The following NKIRAS1 variants were observed in gnomAD, a reference collection of about 807,000 sequenced individuals.
NKIRAS1 encodes NFKB inhibitor interacting Ras like 1.
NKIRAS1 carries 16 observed loss-of-function variants against 19.8 expected under a neutral mutation model. The observed-to-expected ratio is 0.81, with a 90% CI of 0.55 to 1.23. The LOEUF (loss-of-function observed/expected upper bound fraction) is 1.23, where lower values mean the gene tolerates loss of function less well. NKIRAS1 is among the 50% of genes most tolerant of loss of function. The probability of loss-of-function intolerance (pLI) is 0.00; values close to 1 mark genes in which losing one functional copy is unlikely to be tolerated. For missense variants in NKIRAS1, 184 were observed against 220.0 expected (o/e 0.84, Z 1.04); for synonymous variants, 88 against 79.0 (o/e 1.11, Z -0.61).
intron 1 of NKIRAS1, chr3:23,916,176 GATA>G (rs1279450171): frequency 6.6e-6 from 1 of 152,162 alleles, no homozygotes; most frequent in African/African-American, 2.4e-5. Flanking sequence ...ACGATTAAGA[GATA>G]ATGATTCTCT....
At chr3:23,910,189 G>A (rs542178263) in intron 3 of NKIRAS1, among the ~76,000 whole-genome samples, 21 of 122,710 alleles carry the variant, frequency 1.7e-4, no homozygotes, top group African/African-American at 6.5e-4. Context: ...ACAGAGTCTC[G>A]CTCTGTAGCC....
Position 23,890,497 on chromosome 3 carries a change from C to A in NKIRAS1, c.*2598G>T, listed in dbSNP as rs921053273. On this transcript the variant is annotated 3_prime_UTR_variant, in exon 5 of 5. Transcript: ENST00000425478. ...TCCTTTCTCCAAAGTAATCTACATTCTTTTCTTCCAGCCGACCCCTTGGTG... is the reference window on the plus strand; with the variant it reads ...TCCTTTCTCCAAAGTAATCTACATTATTTTCTTCCAGCCGACCCCTTGGTG... 2 of 1,607,900 alleles carry A rather than the reference C, an allele frequency of 1.2e-6. No homozygotes were observed. Among genetic ancestry groups the A allele is most frequent in the Non-Finnish European group, 1.7e-6 (2 of 1,177,594 alleles).
intron 1 of NKIRAS1, among the ~76,000 whole-genome samples, chr3:23,925,673 C>T (rs559184633): frequency 6.6e-6 from 1 of 152,070 alleles, no homozygotes; most frequent in African/African-American, 2.4e-5. Context: ...TACTTTTACT[C>T]AGTTTTTGTT....
intron 3 of NKIRAS1, among the ~76,000 whole-genome samples, chr3:23,902,205 C>A (rs974771040): frequency 1.3e-5 from 2 of 152,028 alleles, no homozygotes; most frequent in African/African-American, 4.8e-5. Context: ...TACAGTTTTC[C>A]TAAACAACCT....
At chr3:23,929,012 A>AAG (rs1553646201) in intron 1 of NKIRAS1, among the ~76,000 whole-genome samples, 2 of 88,306 alleles carry the variant, frequency 2.3e-5, no homozygotes, top group African/African-American at 6.8e-5. Context: ...AAAAAAAAAA[A>AAG]AGAAAAGAAA....
intron 1 of NKIRAS1, chr3:23,945,161 C>T (rs1443160839): frequency 2.0e-5 from 2 of 98,110 alleles, no homozygotes; most frequent in African/African-American, 3.8e-5. Context: ...AAAGGGTAGC[C>T]GGGGAGCCGG....
At chr3:23,942,692 A>C (rs1326725247) in intron 1 of NKIRAS1, among the ~76,000 whole-genome samples, 1 of 151,926 alleles carries the variant, frequency 6.6e-6, no homozygotes, top group African/African-American at 2.4e-5. Context: ...CGGCCTCCCA[A>C]AGTGCTGGGT....
At chr3:23,942,748 A>T (rs577036996) in intron 1 of NKIRAS1, among the ~76,000 whole-genome samples, 3 of 149,376 alleles carry the variant, frequency 2.0e-5, no homozygotes, top group East Asian at 2.0e-4. Flanking sequence ...ATTAGGATAC[A>T]CTTCTTTTTT....
At chr3:23,911,588 G>T (rs766035723) in intron 1 of NKIRAS1, 138 bp from the exon 2 acceptor site, 1 of 152,078 alleles carries the variant, frequency 6.6e-6, no homozygotes, top group South Asian at 2.1e-4. Context: ...TTAAATCCTT[G>T]AAAGAGACTG....
At chr3:23,933,286 CAG>C (rs1705345582) in intron 1 of NKIRAS1, among the ~76,000 whole-genome samples, 1 of 152,226 alleles carries the variant, frequency 6.6e-6, no homozygotes, top group African/African-American at 2.4e-5. Flanking sequence ...CTCACGCCTC[CAG>C]AATTCTTCCT....
At chr3:23,921,458 C>G (rs1423051096), upstream of NKIRAS1, 6 of 614,416 alleles carry the variant, frequency 9.8e-6, no homozygotes, top group South Asian at 2.0e-5. Context: ...AGCTTTACTC[C>G]AATATTAAGG....
At chr3:23,921,645 G>A, upstream of NKIRAS1, 1 of 664,346 alleles carries the variant, frequency 1.5e-6, no homozygotes. Flanking sequence ...GGCAATCACG[G>A]CTCACTGCAA....
chr3:23,913,040 C>CAAAAAAAAAAAAAAAAAA (rs1169515621), intron 1 of NKIRAS1, among the ~76,000 whole-genome samples: 1 of 47,708 alleles, frequency 2.1e-5, no homozygotes, highest in Non-Finnish European at 4.8e-5. Flanking sequence ...GACTCCGTCT[C>CAAAAAAAAAAAAAAAAAA]AAAAAAAAAA....
chr3:23,940,545 GGATT>G (rs893651635), intron 1 of NKIRAS1, among the ~76,000 whole-genome samples: 6 of 151,990 alleles, frequency 3.9e-5, no homozygotes, highest in African/African-American at 1.5e-4. Flanking sequence ...TGGTGTCAAT[GGATT>G]GATTCAGTTT....
upstream of NKIRAS1, chr3:23,920,554 G>C: frequency 1.0e-6 from 1 of 985,332 alleles, no homozygotes; most frequent in Non-Finnish European, 1.2e-6. Flanking sequence ...CTAGACTACT[G>C]TTGTCCAGGG....
chr3:23,917,816 C>A, upstream of NKIRAS1: 1 of 1,566,106 alleles, frequency 6.4e-7, no homozygotes, highest in South Asian at 1.2e-5. Context: ...GTACTTAAAG[C>A]GGATGATATT....
chr3:23,927,994 G>T lies in NKIRAS1; in HGVS notation c.-139-16544C>A, dbSNP rs992436701. On this transcript the variant is annotated intron_variant, in intron 1 of 4. Coordinates refer to the NKIRAS1 transcript ENST00000421515. This position sits in a 1 kb window ranked among gnomAD's most constrained non-coding sequence, Gnocchi z 4.0. The stretch of plus-strand genomic sequence containing the variant: ...TGCAGGAGGCTGAGGTGGAAGAATT[G>T]CTTGAGCCTGGGAAGTCGAAGCTAC... 2.6e-5 allele frequency among the ~76,000 whole-genome samples: 4 copies of T among 151,986 alleles called. No individual in the cohort carries two copies. Among genetic ancestry groups the T allele is most frequent in the African/African-American group, 4.8e-5 (2 of 41,364 alleles).
intron 1 of NKIRAS1, among the ~76,000 whole-genome samples, chr3:23,914,083 C>T (rs2125431395): frequency 6.6e-6 from 1 of 152,052 alleles, no homozygotes; most frequent in South Asian, 2.1e-4. Flanking sequence ...AGATTCAGGG[C>T]AGTCTTAAAT....
At position 23,900,929 on chromosome 3, in the gene NKIRAS1, G is replaced by A; in HGVS notation, c.215C>T (p.Pro72Leu). 6.2e-7 allele frequency: 1 copy of A among 1,614,078 alleles called. No homozygotes were observed. Among genetic ancestry groups the A allele is most frequent in the Non-Finnish European group, 8.5e-7 (1 of 1,180,012 alleles). Residue 72 changes from proline to leucine, a missense_variant, in exon 4 of 5, where the codon CCA (proline) becomes CTA (leucine). Pro to Leu is a moderately conservative substitution (Grantham distance 98, BLOSUM62 -3). Coordinates refer to ENST00000425478, the MANE Select transcript of NKIRAS1 (RefSeq NM_020345.4). The part of the protein sequence containing the change: ...TRGLQEGVEL[P>L]KHYFSFADGF... ...ATCAGCAAATGAAAAATAATGCTTTGGCAGCTCCACGCCTTCCTGTAGACC... is the reference window on the plus strand; with the variant it reads ...ATCAGCAAATGAAAAATAATGCTTTAGCAGCTCCACGCCTTCCTGTAGACC...
Sources: allele counts gnomAD v4.1 joint callset (sites outside exome capture counted in the v4.1 genomes callset), GRCh38; gene constraint gnomAD v4.1.1; non-coding constraint Gnocchi (gnomAD v3.1); transcripts MANE v1.5; gene names NCBI Gene and HGNC (gene_info 2026-07-23, HGNC 2026-07-21).